The following FARS2 variants were observed in gnomAD, a reference collection of about 807,000 sequenced individuals.
The protein encoded by FARS2 is phenylalanyl-tRNA synthetase 2, mitochondrial, also known as phenylalanine--tRNA ligase, mitochondrial.
Under a neutral mutation model 46.4 loss-of-function variants are expected in FARS2, and 40 were observed. The observed-to-expected ratio is 0.86, with a 90% confidence interval of 0.67 to 1.12. The LOEUF is 1.12. FARS2 is among the 50% of genes most tolerant of loss of function. The pLI is 0.00. For missense variants in FARS2, 513 were observed against 567.9 expected, an observed-to-expected ratio of 0.90 and a Z score of 0.98; for synonymous variants, 234 against 214.9, an observed-to-expected ratio of 1.09 and a Z score of -0.78.
intron 4 of FARS2, among the ~76,000 whole-genome samples, chr6:5,542,293 T>G (rs566919947): frequency 1.3e-5 from 2 of 152,286 alleles, no homozygotes; most frequent in South Asian, 4.1e-4. Context: ...CCTTTGACAA[T>G]TCTACTATAT....
chr6:5,669,195 C>T (rs1411647359), intron 6 of FARS2, among the ~76,000 whole-genome samples: 5 of 152,158 alleles, frequency 3.3e-5, no homozygotes, highest in African/African-American at 9.7e-5. Context: ...AGGAGCCATT[C>T]CTTGACACGG....
intron 1 of FARS2, among the ~76,000 whole-genome samples, chr6:5,302,012 T>C (rs1374387324): frequency 6.6e-6 from 1 of 152,162 alleles, no homozygotes; most frequent in Non-Finnish European, 1.5e-5. Flanking sequence ...TTGTTGGTCA[T>C]TTATCTTCTT....
rs564800116 is a variant in FARS2 at position 5,391,706 on chromosome 6, ATTC to A, written c.613-12828_613-12826del. Among the ~76,000 whole-genome samples, 26 of 152,242 alleles carry A rather than the reference ATTC, an allele frequency of 1.7e-4. No homozygotes were observed. In the South Asian group the frequency reaches 5.0e-3, roughly 29 times the overall value. Reference sequence around the variant, plus strand: ...CTTGTAGGATTTTGCAAAGAAGCAAATTCTTCTTCTGTCCGTTTTCTTTTTTCT... The same window carrying A: ...CTTGTAGGATTTTGCAAAGAAGCAAATTCTTCTGTCCGTTTTCTTTTTTCT... On this transcript the variant is annotated intron_variant, in intron 2 of 6. Transcript: ENST00000274680.
At chr6:5,675,297 T>G (rs113965973) in intron 6 of FARS2, among the ~76,000 whole-genome samples, 6 of 152,188 alleles carry the variant, frequency 3.9e-5, no homozygotes, top group Non-Finnish European at 8.8e-5. Flanking sequence ...AGGGACTTGA[T>G]TGTCATGTAT....
At chr6:5,587,305 C>T (rs866130131) in intron 5 of FARS2, among the ~76,000 whole-genome samples, 2 of 151,954 alleles carry the variant, frequency 1.3e-5, no homozygotes, top group Non-Finnish European at 2.9e-5. Context: ...TTAGAGTCAC[C>T]GTTCATAGAA....
In FARS2 at chr6:5,406,457, G is replaced by A. The variant is rs115136123; in HGVS notation, c.772+1756G>A. Among the ~76,000 whole-genome samples the A allele has an allele frequency of 4.0e-3, 610 of 152,114 alleles. 5 individuals carry two copies. The highest frequency in any genetic ancestry group is 0.014 in the African/African-American group (580 of 41,488). On this transcript the variant is annotated intron_variant, in intron 3 of 6. Coordinates refer to ENST00000274680, the MANE Select transcript of FARS2 (RefSeq NM_006567.5). ...TTCTGCCCTTACCACATCTCACCCCGGGCAACATGTGATCTGCTTTCTGGT... is the reference window on the plus strand; with the variant it reads ...TTCTGCCCTTACCACATCTCACCCCAGGCAACATGTGATCTGCTTTCTGGT...
chr6:5,419,052 A>C (rs1210170438), intron 3 of FARS2, among the ~76,000 whole-genome samples: 1 of 151,908 alleles, frequency 6.6e-6, no homozygotes. Context: ...CCTTCATTAT[A>C]TTCTTACATC....
intron 4 of FARS2, among the ~76,000 whole-genome samples, chr6:5,523,962 C>A (rs578113816): frequency 8.6e-5 from 13 of 151,996 alleles, no homozygotes; most frequent in African/African-American, 2.9e-4. Context: ...GATAATTCTT[C>A]AAAGGGGTCA....
intron 1 of FARS2, chr6:5,272,391 A>G (rs1766021729): frequency 6.6e-6 from 1 of 152,210 alleles, no homozygotes; most frequent in Non-Finnish European, 1.5e-5. Flanking sequence ...AATAATAATA[A>G]CCACTATCTT....
Position 5,538,729 on chromosome 6 carries a change from T to C in FARS2, c.905-6451T>C, listed in dbSNP as rs957376551. ...CTGATGGAATAGGCCAATGACACAA[T>C]GCAGGGGTGCGATTCAGAAGAAATA... On this transcript the variant is annotated intron_variant, in intron 4 of 6. Coordinates refer to ENST00000274680, the MANE Select transcript of FARS2 (RefSeq NM_006567.5). Among the ~76,000 whole-genome samples, 28 of 152,102 alleles carry C rather than the reference T, an allele frequency of 1.8e-4. 1 individual carries two copies. Among genetic ancestry groups the C allele is most frequent in the Non-Finnish European group, 1.5e-5 (1 of 68,028 alleles).
chr6:5,641,423 T>C (rs1386363683), intron 6 of FARS2, among the ~76,000 whole-genome samples: 1 of 152,086 alleles, frequency 6.6e-6, no homozygotes, highest in African/African-American at 2.4e-5. Flanking sequence ...CAGCCGCCCA[T>C]GTAGCTGGGA....
At chr6:5,351,475 T>G (rs1431315581) in intron 1 of FARS2, among the ~76,000 whole-genome samples, 1 of 152,228 alleles carries the variant, frequency 6.6e-6, no homozygotes, top group Non-Finnish European at 1.5e-5. Context: ...GTATTTGTGA[T>G]ATATTTCTTG....
At chr6:5,767,200 C>T (rs368070117) in intron 6 of FARS2, among the ~76,000 whole-genome samples, 80 of 152,028 alleles carry the variant, frequency 5.3e-4, no homozygotes, top group African/African-American at 1.6e-3. Context: ...GAATTACAGG[C>T]GCCCTCCACC....
chr6:5,403,792 T>C (rs573998863), intron 2 of FARS2, among the ~76,000 whole-genome samples: 85 of 152,334 alleles, frequency 5.6e-4, no homozygotes, highest in African/African-American at 1.9e-3. Flanking sequence ...GAGCCAATCT[T>C]CTACCAAGTA....
chr6:5,735,078 T>C (rs1035127716), intron 6 of FARS2, among the ~76,000 whole-genome samples: 3 of 152,254 alleles, frequency 2.0e-5, no homozygotes, highest in Admixed American at 1.3e-4. Flanking sequence ...ACAGTATTAT[T>C]AGTTATTAAT....
At chr6:5,768,570 A>T (rs1374819527) in intron 6 of FARS2, among the ~76,000 whole-genome samples, 2 of 152,222 alleles carry the variant, frequency 1.3e-5, no homozygotes, top group East Asian at 3.8e-4. Flanking sequence ...CCCAATTAGC[A>T]CTTTATAATT....
intron 5 of FARS2, among the ~76,000 whole-genome samples, chr6:5,597,616 C>T (rs550617642): frequency 4.6e-5 from 7 of 152,318 alleles, no homozygotes; most frequent in East Asian, 3.9e-4. Flanking sequence ...TGCAGGGACC[C>T]GCTGTGAACT....
intron 4 of FARS2, among the ~76,000 whole-genome samples, chr6:5,505,982 C>A (rs954859456): frequency 3.3e-5 from 5 of 152,120 alleles, no homozygotes; most frequent in African/African-American, 1.2e-4. Flanking sequence ...CAAATTAAGA[C>A]ATTGAAACAG....
At chr6:5,657,880 C>T (rs527619600) in intron 6 of FARS2, among the ~76,000 whole-genome samples, 2 of 152,328 alleles carry the variant, frequency 1.3e-5, no homozygotes, top group Admixed American at 1.3e-4. Context: ...TTCTACCCCT[C>T]ACCAGCCATG....
Sources: gnomAD v4.1 joint callset for allele counts (sites outside exome capture counted in the v4.1 genomes callset) on GRCh38, gnomAD v4.1.1 for gene constraint, MANE v1.5 for transcripts, NCBI Gene and HGNC (gene_info 2026-07-23, HGNC 2026-07-21) for gene names.